Variants in MMP1 observed in about 807,000 individuals in gnomAD.
MMP1 encodes the protein interstitial collagenase.
A neutral mutation model predicts 49.6 loss-of-function variants in MMP1; 51 were observed. That is an observed-to-expected ratio of 1.03 (90% confidence interval 0.82 to 1.30). The LOEUF (loss-of-function observed/expected upper bound fraction) is 1.30, where lower values mean the gene tolerates loss of function less well. Among genes scored for constraint, MMP1 ranks in the 50% most tolerant of loss-of-function variants. The pLI, the probability that MMP1 is intolerant of heterozygous loss-of-function variation, is 0.00. For synonymous variants in MMP1, 230 were observed against 196.8 expected, an observed-to-expected ratio of 1.17 and a Z score of -1.41; for missense variants, 623 against 568.7, an observed-to-expected ratio of 1.10 and a Z score of -0.97.
chr11:102,796,460 G>C (rs1858193738), intron 4 of MMP1, among the ~76,000 whole-genome samples: 2 of 152,124 alleles, frequency 1.3e-5, no homozygotes, highest in African/African-American at 2.4e-5. Context: ...AAAAATTTTA[G>C]AGTGGCCTAG....
Position 102,797,239 on chromosome 11 carries a change from GC to G in MMP1, c.350+16del. Reference sequence around the variant, plus strand: ...CATGGGAAATAGCTCTCTCACTCTGGCCCTCAGTCTGCCTACCTGTAGGTCA... The same window carrying G: ...CATGGGAAATAGCTCTCTCACTCTGGCCTCAGTCTGCCTACCTGTAGGTCA... On this transcript the variant is annotated intron_variant, in intron 2 of 9. Coordinates refer to ENST00000315274, the MANE Select transcript of MMP1 (RefSeq NM_002421.4). 6.2e-7 allele frequency: 1 copy of G among 1,613,932 alleles called. No homozygotes were observed. The highest frequency in any genetic ancestry group is 8.5e-7 in the Non-Finnish European group (1 of 1,179,894).
chr11:102,791,531 A>G lies in MMP1; in HGVS notation c.1034-36T>C, dbSNP rs1858033024. ...AGAAAGAGTGATAAAACACTTGCCT[A>G]AGACTTCAATAGGCAGTAAGTGAAT... On this transcript the variant is annotated intron_variant, in intron 7 of 9. Transcript: ENST00000315274. 3 of 1,608,414 alleles carry G rather than the reference A, an allele frequency of 1.9e-6. No individual in the cohort carries two copies. The East Asian group carries it at 6.7e-5, about 36-fold the overall frequency.
intron 9 of MMP1, 74 bp from the exon 10 acceptor site, chr11:102,790,595 C>A: frequency 7.6e-7 from 1 of 1,307,746 alleles, no homozygotes; most frequent in African/African-American, 1.5e-5. Context: ...CTTGAGAAAC[C>A]AATTCATCTG....
chr11:102,791,374 G>T lies in MMP1; in HGVS notation c.1155C>A (p.Asn385Lys), dbSNP rs1858025000. 2 of 1,613,892 alleles carry T rather than the reference G, an allele frequency of 1.2e-6. No individual in the cohort carries two copies. Among genetic ancestry groups the T allele is most frequent in the African/African-American group, 2.7e-5 (2 of 74,920 alleles). ...KHIDAALSEE[N>K]TGKTYFFVAN... ...CAACAAAGAAGTAGGTTTTTCCAGT[G>T]TTTTCCTCAGAAAGAGCAGCATCGA... The change falls in exon 8 of 10, where the codon AAC (asparagine) becomes AAA (lysine). Residue 385 changes from asparagine (N) to lysine (K), a missense_variant. Physicochemically the swap from Asn to Lys is moderately conservative, Grantham distance 94. Coordinates refer to ENST00000315274, the MANE Select transcript of MMP1 (RefSeq NM_002421.4).
rs781307222 is a variant in MMP1 at position 102,796,682 on chromosome 11, A to G, written c.607T>C (p.Trp203Arg). 5.6e-6 allele frequency: 9 copies of G among 1,613,680 alleles called. No homozygotes were observed. The highest frequency in any genetic ancestry group is 7.6e-6 in the Non-Finnish European group (9 of 1,179,840). The change falls in exon 4 of 10, where the codon TGG becomes CGG. Residue 203 changes from tryptophan (W) to arginine (R), a missense_variant. By Grantham distance (101) the Trp-to-Arg change is moderately radical. Transcript: ENST00000315274. ...GDAHFDEDER[W>R]TNNFREYNLH... ...GGCTTACCTCTGAAATTGTTGGTCCACCTTTCATCTTCATCAAAATGAGCA... is the reference window on the plus strand; with the variant it reads ...GGCTTACCTCTGAAATTGTTGGTCCGCCTTTCATCTTCATCAAAATGAGCA...
At position 102,798,023 on chromosome 11, in the gene MMP1, G is replaced by A; in HGVS notation, c.70C>T (p.Leu24=). The change falls in exon 1 of 10, where the codon CTA becomes TTA. Residue 24 remains leucine, a synonymous_variant. Transcript: ENST00000315274. ...TCCACATCTTGCTCTTGTGTTTCTA[G>A]AGTCGCTGGGAAGCTGTGAGACACC... ...GVVSHSFPAT[L]ETQEQDVDLV... 1 of 1,613,658 alleles carries A rather than the reference G, an allele frequency of 6.2e-7. No homozygotes were observed.
At chr11:102,797,859 G>T in intron 1 of MMP1, 129 bp downstream of exon 1, 2 of 659,816 alleles carry the variant, frequency 3.0e-6, no homozygotes, top group East Asian at 2.8e-5. Flanking sequence ...TGGGTGGAGG[G>T]TGCTGTTTCT....
Position 102,790,284 on chromosome 11 carries a change from A to G in MMP1, c.*128T>C. Reference sequence around the variant, plus strand: ...AGTAAAAAAATATGCAAACTGAGGTATAAATAAGATTATATTCTGTGTATC... The same window carrying G: ...AGTAAAAAAATATGCAAACTGAGGTGTAAATAAGATTATATTCTGTGTATC... On this transcript the variant is annotated 3_prime_UTR_variant, in exon 10 of 10. Transcript: ENST00000315274. 1 of 548,802 alleles carries G rather than the reference A, an allele frequency of 1.8e-6. No homozygotes were observed. Among genetic ancestry groups the G allele is most frequent in the Non-Finnish European group, 3.2e-6 (1 of 309,344 alleles). The allele number at this position is 548,802 out of a possible 1,614,324, so 34.0% of individuals were successfully genotyped here.
intron 7 of MMP1, 88 bp downstream of exon 7, chr11:102,792,517 A>G: frequency 7.6e-7 from 1 of 1,310,848 alleles, no homozygotes; most frequent in Middle Eastern, 2.0e-4. Context: ...GTCCCTGGAG[A>G]GAATGTAGCT....
chr11:102,795,565 G>A lies in MMP1; in HGVS notation c.668C>T (p.Ser223Phe). 6.2e-7 allele frequency: 1 copy of A among 1,613,916 alleles called. No individual in the cohort carries two copies. The highest frequency in any genetic ancestry group is 8.5e-7 in the Non-Finnish European group (1 of 1,179,960). ...HRVAAHELGH[S>F]LGLSHSTDIG... ...ATCAGTAGAATGGGAGAGTCCAAGA[G>A]AATGGCCGAGTTCATGAGCTGCAAC... The change falls in exon 5 of 10, where the codon TCT becomes TTT. Residue 223 changes from serine (S) to phenylalanine (F), a missense_variant. Coordinates refer to ENST00000315274, the MANE Select transcript of MMP1 (RefSeq NM_002421.4).
chr11:102,797,410 G>A lies in MMP1; in HGVS notation c.196C>T (p.Gln66Ter), dbSNP rs141894365. The A allele has an allele frequency of 8.7e-6, 14 of 1,614,158 alleles. No homozygotes were observed. The highest frequency in any genetic ancestry group is 4.0e-5 in the African/African-American group (3 of 75,056). Residue 66 changes from glutamine to a stop codon, truncating the protein, a stop_gained, in exon 2 of 10, where the codon CAA becomes TAA. Transcript: ENST00000315274. LOFTEE classifies it high-confidence loss of function. ...NSGPVVEKLK[Q>*]MQEFFGLKVT... ...TTCAGCCCAAAGAATTCCTGCATTT[G>A]CTTCAATTTTTCAACCACTGGGCCA...
At position 102,798,020 on chromosome 11, in the gene MMP1, C is replaced by T; in HGVS notation, c.73G>A (p.Glu25Lys). Reference protein sequence around the residue: ...VVSHSFPATLETQEQDVDLVQ... With the variant: ...VVSHSFPATLKTQEQDVDLVQ... ...AAGTCCACATCTTGCTCTTGTGTTT[C>T]TAGAGTCGCTGGGAAGCTGTGAGAC... Residue 25 changes from glutamate to lysine, a missense_variant, in exon 1 of 10, where the codon GAA becomes AAA. Physicochemically the swap from Glu to Lys is moderately conservative, Grantham distance 56. Coordinates refer to ENST00000315274, the MANE Select transcript of MMP1 (RefSeq NM_002421.4). The T allele has an allele frequency of 1.9e-6, 3 of 1,613,730 alleles. No homozygotes were observed. The highest frequency in any genetic ancestry group is 2.5e-6 in the Non-Finnish European group (3 of 1,179,920).
In MMP1 at chr11:102,797,117, A is replaced by G. The variant is rs778791580; in HGVS notation, c.396T>C (p.His132=). ...TPDLPRADVD[H]AIEKAFQLWS... is the part of the protein sequence containing the mutation. The stretch of plus-strand genomic sequence containing the variant: ...AGAGTTGGAAGGCTTTCTCAATGGC[A>G]TGGTCCACATCTGCTCTTGGCAAAT... Residue 132 remains histidine, a synonymous_variant, in exon 3 of 10, where the codon CAT becomes CAC. Transcript: ENST00000315274. 1.2e-6 allele frequency: 2 copies of G among 1,614,240 alleles called. No homozygotes were observed. The highest frequency in any genetic ancestry group is 1.7e-6 in the Non-Finnish European group (2 of 1,180,038).
intron 1 of MMP1, 25 bp downstream of exon 1, chr11:102,797,963 T>A: frequency 6.6e-7 from 1 of 1,504,408 alleles, no homozygotes; most frequent in Non-Finnish European, 9.2e-7. Context: ...ATTTACATTA[T>A]TGTCACATGC....
chr11:102,791,406 TCA>T lies in MMP1; in HGVS notation c.1121_1122del (p.Val374GlufsTer9). Reference sequence around the variant, plus strand: ...TCAGAAAGAGCAGCATCGATATGCTTCACAGTTCTAGGGAAGCCAAAGGAGCT... The same window carrying T: ...TCAGAAAGAGCAGCATCGATATGCTTCAGTTCTAGGGAAGCCAAAGGAGCT... Reference protein sequence around the residue: ...IYSSFGFPRTVKHIDAALSEE... With the variant: ...IYSSFGFPRTXKHIDAALSEE... On this transcript the variant is annotated frameshift_variant, in exon 8 of 10. Coordinates refer to ENST00000315274, the MANE Select transcript of MMP1 (RefSeq NM_002421.4). LOFTEE classifies it high-confidence loss of function. 1 of 1,614,080 alleles carries T rather than the reference TCA, an allele frequency of 6.2e-7. No homozygotes were observed. The highest frequency in any genetic ancestry group is 8.5e-7 in the Non-Finnish European group (1 of 1,179,922).
At chr11:102,795,863 A>G (rs1858173769) in intron 4 of MMP1, among the ~76,000 whole-genome samples, 1 of 152,248 alleles carries the variant, frequency 6.6e-6, no homozygotes, top group Admixed American at 6.5e-5. Context: ...AAAGCGCACC[A>G]CAGATTAATC....
Position 102,796,698 on chromosome 11 carries a change from A to C in MMP1, c.591T>G (p.Phe197Leu). ...PGPGIGGDAHFDEDERWTNNF... is the reference protein window; with the variant it reads ...PGPGIGGDAHLDEDERWTNNF... Reference sequence around the variant, plus strand: ...TGTTGGTCCACCTTTCATCTTCATCAAAATGAGCATCCCCTCCAATACCTG... The same window carrying C: ...TGTTGGTCCACCTTTCATCTTCATCCAAATGAGCATCCCCTCCAATACCTG... The change falls in exon 4 of 10, where the codon TTT becomes TTG. Residue 197 changes from phenylalanine to leucine, a missense_variant. Coordinates refer to ENST00000315274, the MANE Select transcript of MMP1 (RefSeq NM_002421.4). 6.2e-7 allele frequency: 1 copy of C among 1,614,042 alleles called. No homozygotes were observed. Among genetic ancestry groups the C allele is most frequent in the South Asian group, 1.1e-5 (1 of 91,042 alleles).
In MMP1 at chr11:102,790,333, A is replaced by C. The variant is rs1179279232; in HGVS notation, c.*79T>G. ...TCAGTGACTCTAGAGGTTAAAAATG[A>C]CTGAGAAAATAGACAGTTCTTCAGG... On this transcript the variant is annotated 3_prime_UTR_variant, in exon 10 of 10. Coordinates refer to ENST00000315274, the MANE Select transcript of MMP1 (RefSeq NM_002421.4). 1 of 789,202 alleles carries C rather than the reference A, an allele frequency of 1.3e-6. No homozygotes were observed. The highest frequency in any genetic ancestry group is 2.1e-6 in the Non-Finnish European group (1 of 480,170). The allele number at this position is 789,202 out of a possible 1,614,324, so 48.9% of individuals were successfully genotyped here.
chr11:102,795,061 T>C (rs1858142025), intron 6 of MMP1, 113 bp downstream of exon 6: 3 of 902,022 alleles, frequency 3.3e-6, no homozygotes, highest in Non-Finnish European at 5.4e-6. Context: ...ACCATGTGAT[T>C]ATAGATGTAA....
Sources: allele counts gnomAD v4.1 joint callset (sites outside exome capture counted in the v4.1 genomes callset), GRCh38; gene constraint gnomAD v4.1.1; transcripts MANE v1.5; gene names NCBI Gene and HGNC (gene_info 2026-07-23, HGNC 2026-07-21).